Variants in TMEM168 observed in about 807,000 individuals in gnomAD.
TMEM168 encodes transmembrane protein 168.
TMEM168 carries 40 observed loss-of-function variants against 53.2 expected under a neutral mutation model. The ratio of observed to expected loss-of-function variants is 0.75; its 90% CI spans 0.58 to 0.98. TMEM168 has a LOEUF of 0.98. Among genes scored for constraint, TMEM168 ranks in the 50% least tolerant of loss-of-function variants. The probability of loss-of-function intolerance (pLI) is 0.00; values close to 1 mark genes in which losing one functional copy is unlikely to be tolerated. For missense variants in TMEM168, 771 were observed against 828.8 expected, an observed-to-expected ratio of 0.93 and a Z score of 0.86; for synonymous variants, 282 against 293.0, an observed-to-expected ratio of 0.96 and a Z score of 0.38.
At chr7:112,773,750 C>T (rs1399042683) in intron 3 of TMEM168, among the ~76,000 whole-genome samples, 1 of 151,988 alleles carries the variant, frequency 6.6e-6, no homozygotes, top group East Asian at 1.9e-4. Context: ...ATCATCATTC[C>T]TATCCAGAAA....
At chr7:112,773,753 T>C (rs1382199950) in intron 3 of TMEM168, among the ~76,000 whole-genome samples, 1 of 152,066 alleles carries the variant, frequency 6.6e-6, no homozygotes, top group Non-Finnish European at 1.5e-5. Flanking sequence ...ATCATTCCTA[T>C]CCAGAAAAGG....
At chr7:112,780,191 C>T (rs149080344) in intron 2 of TMEM168, among the ~76,000 whole-genome samples, 3 of 152,230 alleles carry the variant, frequency 2.0e-5, no homozygotes, top group Non-Finnish European at 2.9e-5. Context: ...TATGTGTACA[C>T]GAATAAGTTA....
intron 4 of TMEM168, among the ~76,000 whole-genome samples, chr7:112,768,473 C>T (rs1792845501): frequency 6.6e-6 from 1 of 151,932 alleles, no homozygotes; most frequent in African/African-American, 2.4e-5. Flanking sequence ...CCTACCTGTA[C>T]AAGAATGAGT....
chr7:112,768,951 C>T (rs917027130), intron 4 of TMEM168, among the ~76,000 whole-genome samples: 1 of 152,142 alleles, frequency 6.6e-6, no homozygotes, highest in Non-Finnish European at 1.5e-5. Flanking sequence ...CATGACAGTA[C>T]ATCTACAAAA....
In TMEM168 at chr7:112,770,263, G is replaced by A. The variant is rs544278149; in HGVS notation, c.1546+2518C>T. 6.0e-4 allele frequency among the ~76,000 whole-genome samples: 92 copies of A among 152,298 alleles called. 1 individual carries two copies. Among genetic ancestry groups the A allele is most frequent in the Admixed American group, 1.4e-3 (22 of 15,288 alleles). ...CCTGGTTCAACCTGACTACCCACAA[G>A]TATGCGAGATGCCTCAGGCCATGCA... On this transcript the variant is annotated intron_variant, in intron 4 of 4. Coordinates refer to ENST00000312814, the MANE Select transcript of TMEM168 (RefSeq NM_022484.6).
chr7:112,773,383 G>A (rs1035244344), intron 3 of TMEM168, among the ~76,000 whole-genome samples: 1 of 151,446 alleles, frequency 6.6e-6, no homozygotes, highest in African/African-American at 2.4e-5. Flanking sequence ...TTTAAAAGCA[G>A]GATTACACTG....
chr7:112,780,484 G>C (rs1447503242), intron 2 of TMEM168, among the ~76,000 whole-genome samples: 1 of 152,068 alleles, frequency 6.6e-6, no homozygotes, highest in Non-Finnish European at 1.5e-5. Context: ...CCATACAATG[G>C]GATATTGCTC....
rs201538838 is a variant in TMEM168 at position 112,781,702 on chromosome 7, TA to T, written c.1128+1995del. 1.9e-3 allele frequency among the ~76,000 whole-genome samples: 269 copies of T among 140,378 alleles called. 3 individuals carry two copies. The highest frequency in any genetic ancestry group is 0.012 in the East Asian group (59 of 4,948). 92.1% of individuals were successfully genotyped at this position (140,378 alleles called of 152,430 possible). A position where few individuals can be genotyped will look rare whatever the true frequency, so the allele number is the denominator to read the frequency against. ...GCTGGGAACAATGAGATCTATATAT[TA>T]AAAAAAAAAAAACAAACTTAGATCC... is the stretch of plus-strand genomic sequence containing the variant. On this transcript the variant is annotated intron_variant, in intron 2 of 4. Coordinates refer to ENST00000312814, the MANE Select transcript of TMEM168 (RefSeq NM_022484.6).
At chr7:112,781,254 C>A (rs966558995) in intron 2 of TMEM168, among the ~76,000 whole-genome samples, 6 of 152,136 alleles carry the variant, frequency 3.9e-5, no homozygotes, top group East Asian at 1.9e-4. Flanking sequence ...AACACCACCA[C>A]CAACCAACTT....
intron 4 of TMEM168, among the ~76,000 whole-genome samples, chr7:112,768,027 A>G (rs1792833795): frequency 6.6e-6 from 1 of 152,210 alleles, no homozygotes; most frequent in Non-Finnish European, 1.5e-5. Context: ...AAATAGTTTT[A>G]CACAGTTGTA....
chr7:112,773,534 C>T (rs1792987691), intron 3 of TMEM168, among the ~76,000 whole-genome samples: 1 of 151,492 alleles, frequency 6.6e-6, no homozygotes, highest in Admixed American at 6.6e-5. Context: ...ATTTTATTAA[C>T]TTAAGGTACA....
At chr7:112,769,227 A>C (rs186361580) in intron 4 of TMEM168, among the ~76,000 whole-genome samples, 1 of 152,338 alleles carries the variant, frequency 6.6e-6, no homozygotes, top group Admixed American at 6.5e-5. Flanking sequence ...CCTGAAAATA[A>C]ACTTTTTTTA....
At chr7:112,768,803 C>CA (rs1170101100) in intron 4 of TMEM168, among the ~76,000 whole-genome samples, 15 of 151,444 alleles carry the variant, frequency 9.9e-5, no homozygotes, top group African/African-American at 3.4e-4. Context: ...GACATAGGGA[C>CA]AAAAAATTAC....
rs1234576442 is a variant in TMEM168 at position 112,767,320 on chromosome 7, T to A, written c.1971A>T (p.Leu657Phe). ...AGATCCAAAAAAGGTTCAGACCGCA[T>A]AACCAATTTGCCAAATGCACTAGGG... ...TYPLVHLANWLCGLNLFWICK... is the reference protein window; with the variant it reads ...TYPLVHLANWFCGLNLFWICK... The change falls in exon 5 of 5, where the codon TTA becomes TTT. Residue 657 changes from leucine to phenylalanine, a missense_variant. Physicochemically the swap from Leu to Phe is conservative, Grantham distance 22. Coordinates refer to ENST00000312814, the MANE Select transcript of TMEM168 (RefSeq NM_022484.6). The A allele has an allele frequency of 1.2e-6, 2 of 1,614,180 alleles. No individual in the cohort carries two copies. Among genetic ancestry groups the A allele is most frequent in the Non-Finnish European group, 1.7e-6 (2 of 1,179,994 alleles).
At chr7:112,774,468 A>G (rs1324774416) in intron 3 of TMEM168, among the ~76,000 whole-genome samples, 1 of 150,698 alleles carries the variant, frequency 6.6e-6, no homozygotes, top group Non-Finnish European at 1.5e-5. Flanking sequence ...TAAGGTTCAG[A>G]GTAGTTATAG....
Position 112,775,255 on chromosome 7 carries a change from C to A in TMEM168, c.1192G>T (p.Gly398Trp). 1 of 1,613,632 alleles carries A rather than the reference C, an allele frequency of 6.2e-7. No homozygotes were observed. Among genetic ancestry groups the A allele is most frequent in the Non-Finnish European group, 8.5e-7 (1 of 1,179,844 alleles). Residue 398 changes from glycine (G) to tryptophan (W), a missense_variant, in exon 3 of 5, where the codon GGG becomes TGG. By Grantham distance (184) the Gly-to-Trp change is radical. Coordinates refer to ENST00000312814, the MANE Select transcript of TMEM168 (RefSeq NM_022484.6). ...IVLPLESMAH[G>W]LFHELGNCLG... The stretch of plus-strand genomic sequence containing the variant: ...CAGTTACCCAATTCATGGAAGAGCC[C>A]ATGAGCCATGGATTCCAATGGCAAA...
At chr7:112,777,088 A>G (rs947482083) in intron 2 of TMEM168, among the ~76,000 whole-genome samples, 22 of 152,090 alleles carry the variant, frequency 1.4e-4, no homozygotes, top group African/African-American at 5.1e-4. Flanking sequence ...CATAGTTTCA[A>G]TGAAAGTCTT....
intron 2 of TMEM168, among the ~76,000 whole-genome samples, 169 bp from the exon 3 acceptor site, chr7:112,775,487 A>C (rs1793054752): frequency 6.6e-6 from 1 of 152,174 alleles, no homozygotes; most frequent in Admixed American, 6.5e-5. Flanking sequence ...TACATGGATG[A>C]GCTAACTAGT....
chr7:112,778,038 C>G (rs1793136541), intron 2 of TMEM168, among the ~76,000 whole-genome samples: 1 of 151,980 alleles, frequency 6.6e-6, no homozygotes, highest in Admixed American at 6.6e-5. Context: ...TAGAGGCAAT[C>G]TGTTTCTTCC....
Sources: gnomAD v4.1 joint callset for allele counts (sites outside exome capture counted in the v4.1 genomes callset) on GRCh38, gnomAD v4.1.1 for gene constraint, MANE v1.5 for transcripts, NCBI Gene and HGNC (gene_info 2026-07-23, HGNC 2026-07-21) for gene names.